Variants in FBRS observed in about 807,000 individuals in gnomAD.
FBRS encodes the protein fibrosin, also known as probable fibrosin-1.
In FBRS, 15 loss-of-function variants were observed where a neutral mutation model predicts 86.1. The observed-to-expected ratio is 0.17, with a 90% CI of 0.12 to 0.27. The LOEUF (loss-of-function observed/expected upper bound fraction) is 0.27, where lower values mean the gene tolerates loss of function less well. FBRS is among the 10% of genes least tolerant of loss of function. The probability of loss-of-function intolerance (pLI) is 1.00; values close to 1 mark genes in which losing one functional copy is unlikely to be tolerated. For synonymous variants in FBRS, 666 were observed against 575.8 expected, an observed-to-expected ratio of 1.16 and a Z score of -2.24; for missense variants, 1,367 against 1,301.6, an observed-to-expected ratio of 1.05 and a Z score of -0.77.
chr16:30,659,794 A>T lies in FBRS; in HGVS notation c.276A>T (p.Arg92=). Residue 92 remains arginine (R), a synonymous_variant, in exon 1 of 18, where the codon CGA becomes CGT. Transcript: ENST00000356166. ...RRPRPRPRPP[R]PRARKRPAGS... The stretch of plus-strand genomic sequence containing the variant: ...CCCGTCCGAGACCTCGACCCCCGCG[A>T]CCCCGAGCTCGGAAGCGGCCTGCCG... 1 of 1,499,814 alleles carries T rather than the reference A, an allele frequency of 6.7e-7. No homozygotes were observed. The highest frequency in any genetic ancestry group is 8.9e-7 in the Non-Finnish European group (1 of 1,129,070). The allele number at this position is 1,499,814 out of a possible 1,614,324, so 92.9% of individuals were successfully genotyped here.
rs1336665609 is a variant in FBRS at position 30,659,670 on chromosome 16, C to A, written c.152C>A (p.Pro51Gln). The A allele has an allele frequency of 7.5e-6, 5 of 667,412 alleles. No individual in the cohort carries two copies. Among genetic ancestry groups the A allele is most frequent in the Non-Finnish European group, 1.2e-5 (5 of 418,020 alleles). The allele number at this position is 667,412 out of a possible 1,614,324, so 41.3% of individuals were successfully genotyped here. ...GCGCCCCGGGCCCTGTTGGCCGCCC[C>A]GCGCGGCTCCTCGTCCTCGTCGTCG... ...GDAPRALLAA[P>Q]RGSSSSSSPP... The change falls in exon 1 of 18, where the codon CCG (proline) becomes CAG (glutamine). Residue 51 changes from proline (P) to glutamine (Q), a missense_variant. This residue lies in a region of FBRS where 702 missense variants were observed against 598.7 expected (regional missense o/e 1.17). Coordinates refer to ENST00000356166, the MANE Select transcript of FBRS (RefSeq NM_001105079.3).
rs775783751 is a variant in FBRS, at chr16:30,669,181, C to T, written c.2479C>T (p.Arg827Trp). The T allele has an allele frequency of 1.3e-4, 209 of 1,551,478 alleles. No individual in the cohort carries two copies. The highest frequency in any genetic ancestry group is 1.7e-4 in the Non-Finnish European group (197 of 1,147,944). ...TKESVRVKEE[R>W]KEEAAAAAAA... ...GGAATCTGTGCGGGTAAAGGAAGAG[C>T]GGAAGGAGGAGGCTGCCGCCGCCGC... is the stretch of plus-strand genomic sequence containing the variant. Residue 827 changes from arginine to tryptophan, a missense_variant, in exon 18 of 18, where the codon CGG becomes TGG. Arg to Trp is a moderately radical substitution (Grantham distance 101). Coordinates refer to ENST00000356166, the MANE Select transcript of FBRS (RefSeq NM_001105079.3). The surrounding 1 kb of genome is among the most constrained non-coding windows in gnomAD (Gnocchi z 5.9).
rs1412779007 is a variant in FBRS, at chr16:30,667,619, A to G, written c.2071A>G (p.Ile691Val). The G allele has an allele frequency of 6.6e-7, 1 of 1,523,142 alleles. No individual in the cohort carries two copies. The highest frequency in any genetic ancestry group is 2.2e-5 in the Admixed American group (1 of 44,542). 94.4% of individuals were successfully genotyped at this position (1,523,142 alleles called of 1,614,324 possible). Reference sequence around the variant, plus strand: ...ACCCTTCCTGAGCCCCAGCACCCACATTGGTAAGAGCCAAGGGCGTGTTGG... The same window carrying G: ...ACCCTTCCTGAGCCCCAGCACCCACGTTGGTAAGAGCCAAGGGCGTGTTGG... The part of the protein sequence containing the change: ...HGPFLSPSTH[I>V]DPFGRPTSFA... The change falls in exon 15 of 18, where the codon ATT (isoleucine) becomes GTT (valine). Residue 691 changes from isoleucine to valine, a missense_variant. By Grantham distance (29) the Ile-to-Val change is conservative (BLOSUM62 3). Around this residue, in one of 3 missense-constraint regions of FBRS, gnomAD observed 659 missense variants for 678.8 expected, o/e 0.97. Transcript: ENST00000356166.
chr16:30,666,101 T>C, intron 11 of FBRS: 1 of 401,024 alleles, frequency 2.5e-6, no homozygotes, highest in South Asian at 3.5e-5. Flanking sequence ...ACCCCAGGGC[T>C]GCGGGAACGT....
rs2052441698 is a variant in FBRS at position 30,660,281 on chromosome 16, C to T, written c.478C>T (p.Pro160Ser). 6 of 1,309,282 alleles carry T rather than the reference C, an allele frequency of 4.6e-6. No individual in the cohort carries two copies. Among genetic ancestry groups the T allele is most frequent in the Non-Finnish European group, 5.9e-6 (6 of 1,021,426 alleles). The allele number at this position is 1,309,282 out of a possible 1,614,324, so 81.1% of individuals were successfully genotyped here. Reference sequence around the variant, plus strand: ...TCCACAGAAGGATGCATCTCTTCAGCCCCCAGAGCGACTGGAACATCGGCT... The same window carrying T: ...TCCACAGAAGGATGCATCTCTTCAGTCCCCAGAGCGACTGGAACATCGGCT... Reference protein sequence around the residue: ...EALQKDASLQPPERLEHRLKH... With the variant: ...EALQKDASLQSPERLEHRLKH... Residue 160 changes from proline (P) to serine (S), a missense_variant, in exon 2 of 18, where the codon CCC becomes TCC. Around this residue, in one of 3 missense-constraint regions of FBRS, gnomAD observed 702 missense variants for 598.7 expected, o/e 1.17. Transcript: ENST00000356166.
Position 30,665,187 on chromosome 16 carries a change from C to A in FBRS, c.1608+108C>A. The A allele has an allele frequency of 1.3e-6, 2 of 1,527,304 alleles. No individual in the cohort carries two copies. Among genetic ancestry groups the A allele is most frequent in the South Asian group, 1.2e-5 (1 of 81,536 alleles). The allele number at this position is 1,527,304 out of a possible 1,614,324, so 94.6% of individuals were successfully genotyped here. ...CCAGTCTTCAGCACAAAAGCAAGAG[C>A]CTTGAGCCTGGGACAGCTCCCTGGG... On this transcript the variant is annotated intron_variant, in intron 9 of 17. Transcript: ENST00000356166. The surrounding 1 kb of genome is among the most constrained non-coding windows in gnomAD (Gnocchi z 4.1).
chr16:30,664,145 G>C lies in FBRS; in HGVS notation c.1056-70G>C. Reference sequence around the variant, plus strand: ...GAACCAGGGTCACGGTATCACCCAGGCTTCTGACCCCCTCCCGTCAGAGCT... The same window carrying C: ...GAACCAGGGTCACGGTATCACCCAGCCTTCTGACCCCCTCCCGTCAGAGCT... On this transcript the variant is annotated intron_variant, in intron 6 of 17. Transcript: ENST00000356166. 2.3e-6 allele frequency: 3 copies of C among 1,303,560 alleles called. No individual in the cohort carries two copies. The South Asian group carries it at 7.4e-5, about 32-fold the overall frequency. The allele number at this position is 1,303,560 out of a possible 1,614,324, so 80.7% of individuals were successfully genotyped here. A position where few individuals can be genotyped will look rare whatever the true frequency, so the allele number is the denominator to read the frequency against.
In FBRS at chr16:30,666,490, A is replaced by G. The variant is rs532260505; in HGVS notation, c.1774-22A>G. 4 of 1,613,938 alleles carry G rather than the reference A, an allele frequency of 2.5e-6. No homozygotes were observed. In the East Asian group the frequency reaches 6.7e-5, roughly 27 times the overall value. ...AGGACTCGGGTCTGAGTCGCCTCCC[A>G]TCTCTCCTTTGCCATCCCCAGATCC... is the stretch of plus-strand genomic sequence containing the variant. On this transcript the variant is annotated intron_variant, in intron 11 of 17. Coordinates refer to ENST00000356166, the MANE Select transcript of FBRS (RefSeq NM_001105079.3).
chr16:30,665,834 T>A lies in FBRS; in HGVS notation c.1773+128T>A, dbSNP rs536571674. On this transcript the variant is annotated intron_variant, in intron 11 of 17. Coordinates refer to ENST00000356166, the MANE Select transcript of FBRS (RefSeq NM_001105079.3). The surrounding 1 kb of genome is among the most constrained non-coding windows in gnomAD (Gnocchi z 4.1). ...CAATCGGGTGTTCCTGGGTGTCTAA[T>A]AGAGAGGGAATTTCTGTAAATAGCT... is the stretch of plus-strand genomic sequence containing the variant. 2 of 855,360 alleles carry A rather than the reference T, an allele frequency of 2.3e-6. No homozygotes were observed. Among genetic ancestry groups the A allele is most frequent in the East Asian group, 5.6e-5 (2 of 35,746 alleles). The allele number at this position is 855,360 out of a possible 1,614,324, so 53.0% of individuals were successfully genotyped here.
At chr16:30,667,701 C>T in intron 15 of FBRS, 79 bp downstream of exon 15, 1 of 1,306,936 alleles carries the variant, frequency 7.7e-7, no homozygotes, top group Non-Finnish European at 1.0e-6. Flanking sequence ...CAGCAGGCAG[C>T]TGGAATGCAG....
intron 15 of FBRS, 60 bp from the exon 16 acceptor site, chr16:30,668,500 C>T (rs1379443169): frequency 4.7e-6 from 7 of 1,492,918 alleles, no homozygotes; most frequent in Non-Finnish European, 6.5e-6. Context: ...CCCAGCCAGG[C>T]CTGGTGCCTG....
At chr16:30,666,428 G>C in intron 11 of FBRS, 84 bp from the exon 12 acceptor site, 2 of 1,554,438 alleles carry the variant, frequency 1.3e-6, no homozygotes, top group Non-Finnish European at 1.8e-6. Context: ...CATGTTGGGG[G>C]TGAGTGGATG....
In FBRS at chr16:30,669,414, A is replaced by G. The variant is rs1288283441; in HGVS notation, c.2712A>G (p.Leu904=). ...PPRFYEAGEE[L]TGPGAVAAAR... Reference sequence around the variant, plus strand: ...GCTTCTATGAGGCGGGTGAGGAGCTAACTGGACCCGGGGCCGTGGCCGCTG... The same window carrying G: ...GCTTCTATGAGGCGGGTGAGGAGCTGACTGGACCCGGGGCCGTGGCCGCTG... The change falls in exon 18 of 18, where the codon CTA becomes CTG. Residue 904 remains leucine, a synonymous_variant. Transcript: ENST00000356166. This position sits in a 1 kb window ranked among gnomAD's most constrained non-coding sequence, Gnocchi z 5.9. 1 of 1,612,588 alleles carries G rather than the reference A, an allele frequency of 6.2e-7. No homozygotes were observed. The highest frequency in any genetic ancestry group is 2.2e-5 in the East Asian group (1 of 44,862).
intron 15 of FBRS, 118 bp downstream of exon 15, chr16:30,667,740 C>T (rs190690628): frequency 1.1e-6 from 1 of 915,630 alleles, no homozygotes; most frequent in African/African-American, 1.7e-5. Context: ...TGCTTAGTGA[C>T]CTTGGGCAGG....
chr16:30,668,857 C>G lies in FBRS; in HGVS notation c.2244C>G (p.His748Gln). The change falls in exon 17 of 18, where the codon CAC becomes CAG. Residue 748 changes from histidine (H) to glutamine (Q), a missense_variant. His to Gln is a conservative substitution (Grantham distance 24, BLOSUM62 0). This residue lies in a region of FBRS where 659 missense variants were observed against 678.8 expected (regional missense o/e 0.97). Coordinates refer to ENST00000356166, the MANE Select transcript of FBRS (RefSeq NM_001105079.3). ...ASPPDPWGRL[H>Q]RSPLTFPAWV... is the part of the protein sequence containing the mutation. ...CACCGGACCCATGGGGCCGCCTGCACCGCAGTCCTCTGACCTTTCCTGCCT... is the reference window on the plus strand; with the variant it reads ...CACCGGACCCATGGGGCCGCCTGCAGCGCAGTCCTCTGACCTTTCCTGCCT... 6.3e-7 allele frequency: 1 copy of G among 1,590,760 alleles called. No homozygotes were observed. Among genetic ancestry groups the G allele is most frequent in the Non-Finnish European group, 8.5e-7 (1 of 1,173,144 alleles).
chr16:30,669,184 AAGG>A lies in FBRS; in HGVS notation c.2489_2491del (p.Glu830del). The A allele has an allele frequency of 6.4e-7, 1 of 1,550,966 alleles. No homozygotes were observed. The highest frequency in any genetic ancestry group is 1.7e-4 in the Middle Eastern group (1 of 5,986). ...ATCTGTGCGGGTAAAGGAAGAGCGG[AAGG>A]AGGAGGCTGCCGCCGCCGCTGCCGC... On this transcript the variant is annotated inframe_deletion, in exon 18 of 18. Coordinates refer to ENST00000356166, the MANE Select transcript of FBRS (RefSeq NM_001105079.3). The surrounding 1 kb of genome is among the most constrained non-coding windows in gnomAD (Gnocchi z 5.9).
At chr16:30,662,231 CTGCTCCACTCTGCTTTTTCT>C in intron 4 of FBRS, 169 bp from the exon 5 acceptor site, 1 of 829,242 alleles carries the variant, frequency 1.2e-6, no homozygotes, top group Non-Finnish European at 1.8e-6. Context: ...TTGGGGTCAG[CTGCTCCACTCTGCTTTTTCT>C]CCAAGCTCAG....
rs2052560449 is a variant in FBRS at position 30,669,128 on chromosome 16, C to A, written c.2426C>A (p.Ala809Asp). 1 of 1,584,390 alleles carries A rather than the reference C, an allele frequency of 6.3e-7. No homozygotes were observed. The highest frequency in any genetic ancestry group is 8.6e-7 in the Non-Finnish European group (1 of 1,166,256). ...RVSPATPKAR[A>D]GEEGPRPTKE... ...TCTCCTGCTACTCCCAAGGCCCGGG[C>A]TGGTGAGGAGGGGCCTCGGCCAACC... is the stretch of plus-strand genomic sequence containing the variant. Residue 809 changes from alanine to aspartate, a missense_variant, in exon 18 of 18, where the codon GCT becomes GAT. Ala to Asp is a moderately radical substitution (Grantham distance 126). Coordinates refer to ENST00000356166, the MANE Select transcript of FBRS (RefSeq NM_001105079.3). The surrounding 1 kb of genome is among the most constrained non-coding windows in gnomAD (Gnocchi z 5.9).
intron 1 of FBRS, 64 bp downstream of exon 1, chr16:30,660,041 C>A (rs1596612235): frequency 6.6e-7 from 1 of 1,516,852 alleles, no homozygotes; most frequent in East Asian, 2.6e-5. Flanking sequence ...GGGGGCAGTG[C>A]CCCTAGTGGG....
Sources: allele counts gnomAD v4.1 joint callset, GRCh38; gene constraint gnomAD v4.1.1; regional missense constraint gnomAD v4.1.1; non-coding constraint Gnocchi (gnomAD v3.1); transcripts MANE v1.5; gene names NCBI Gene and HGNC (gene_info 2026-07-23, HGNC 2026-07-21).